Variants in PTPRD observed in about 807,000 individuals in gnomAD.
PTPRD encodes the protein receptor-type tyrosine-protein phosphatase delta.
A neutral mutation model predicts 214.5 loss-of-function variants in PTPRD; 34 were observed. The observed-to-expected ratio is 0.16, with a 90% CI of 0.12 to 0.21. The LOEUF is 0.21. PTPRD is among the 10% of genes least tolerant of loss of function. The pLI, the probability that PTPRD is intolerant of heterozygous loss-of-function variation, is 1.00. For synonymous variants in PTPRD, 1,128 were observed against 845.7 expected, an observed-to-expected ratio of 1.33 and a Z score of -5.79; for missense variants, 2,545 against 2,398.7, an observed-to-expected ratio of 1.06 and a Z score of -1.27.
At chr9:10,083,881 A>G (rs2098283354) in intron 3 of PTPRD, among the ~76,000 whole-genome samples, 1 of 151,902 alleles carries the variant, frequency 6.6e-6, no homozygotes, top group Non-Finnish European at 1.5e-5. Context: ...AATAATGCTC[A>G]CCTCTTGCTA....
At chr9:9,940,649 G>T (rs186624140) in intron 4 of PTPRD, among the ~76,000 whole-genome samples, 2 of 152,270 alleles carry the variant, frequency 1.3e-5, no homozygotes, top group South Asian at 4.1e-4. Flanking sequence ...TAACAAAAGT[G>T]TCAACAGCTC....
chr9:8,631,472 T>C (rs1431626634), intron 14 of PTPRD, among the ~76,000 whole-genome samples: 1 of 151,742 alleles, frequency 6.6e-6, no homozygotes, highest in Admixed American at 6.6e-5. Flanking sequence ...TGAACAACCT[T>C]CTCTAGGGTT....
intron 2 of PTPRD, among the ~76,000 whole-genome samples, chr9:10,360,908 C>A (rs1206842864): frequency 6.6e-6 from 1 of 152,120 alleles, no homozygotes; most frequent in East Asian, 1.9e-4. Context: ...CGAGGCCATC[C>A]TGGCTAACAC....
intron 5 of PTPRD, among the ~76,000 whole-genome samples, chr9:9,773,410 T>C (rs1250981106): frequency 1.3e-5 from 2 of 152,148 alleles, no homozygotes; most frequent in Non-Finnish European, 2.9e-5. Flanking sequence ...CTCCTGCTTC[T>C]CTCTAATATA....
chr9:8,744,540 C>T (rs1254476784), intron 11 of PTPRD, among the ~76,000 whole-genome samples: 1 of 152,184 alleles, frequency 6.6e-6, no homozygotes, highest in Non-Finnish European at 1.5e-5. Flanking sequence ...AGTGAAGTAG[C>T]TCAGGAATGG....
At chr9:8,894,849 C>T (rs2098594789) in intron 11 of PTPRD, among the ~76,000 whole-genome samples, 1 of 151,846 alleles carries the variant, frequency 6.6e-6, no homozygotes, top group African/African-American at 2.4e-5. Context: ...AACACAGGAA[C>T]CAACTTAAAT....
chr9:10,446,799 G>C (rs1246248507), intron 2 of PTPRD, among the ~76,000 whole-genome samples: 4 of 152,064 alleles, frequency 2.6e-5, no homozygotes, highest in African/African-American at 9.7e-5. Context: ...AAGGAAACTG[G>C]ATCCATGAAG....
At chr9:8,521,746 T>G (rs2097895107) in intron 19 of PTPRD, among the ~76,000 whole-genome samples, 200 bp from the exon 20 acceptor site, 1 of 152,148 alleles carries the variant, frequency 6.6e-6, no homozygotes, top group Non-Finnish European at 1.5e-5. Flanking sequence ...TTTATTTAGT[T>G]TAGTCATTGA....
intron 7 of PTPRD, among the ~76,000 whole-genome samples, chr9:9,668,594 T>G (rs1054479070): frequency 1.3e-5 from 2 of 152,230 alleles, no homozygotes; most frequent in South Asian, 4.1e-4. Flanking sequence ...ATAATAGATT[T>G]GTTCATTCAG....
At chr9:8,679,226 C>T (rs1296733098) in intron 12 of PTPRD, among the ~76,000 whole-genome samples, 1 of 152,204 alleles carries the variant, frequency 6.6e-6, no homozygotes, top group Non-Finnish European at 1.5e-5. Context: ...CATCCCACAA[C>T]TTCAAAGCAG....
At chr9:9,800,067 G>T (rs35772667) in intron 5 of PTPRD, among the ~76,000 whole-genome samples, 1 of 152,098 alleles carries the variant, frequency 6.6e-6, no homozygotes, top group African/African-American at 2.4e-5. Flanking sequence ...TTGAATTCCC[G>T]AAGAGATTTC....
chr9:10,529,423 C>T (rs1384186255), intron 2 of PTPRD, among the ~76,000 whole-genome samples: 1 of 152,010 alleles, frequency 6.6e-6, no homozygotes, highest in African/African-American at 2.4e-5. Flanking sequence ...TTTGCAGGGA[C>T]ATGGATAAAG....
At chr9:10,131,900 C>A (rs911750931) in intron 3 of PTPRD, among the ~76,000 whole-genome samples, 16 of 152,068 alleles carry the variant, frequency 1.1e-4, no homozygotes, top group African/African-American at 3.6e-4. Context: ...AACTGAAAAT[C>A]AAAAAATATG....
intron 10 of PTPRD, among the ~76,000 whole-genome samples, chr9:9,080,425 G>A (rs1277041766): frequency 1.3e-5 from 2 of 152,094 alleles, no homozygotes; most frequent in Non-Finnish European, 2.9e-5. Context: ...CTACTACTAT[G>A]TGCCACATAT....
At chr9:8,601,855 T>C (rs991345336) in intron 14 of PTPRD, among the ~76,000 whole-genome samples, 2 of 152,134 alleles carry the variant, frequency 1.3e-5, no homozygotes, top group Non-Finnish European at 2.9e-5. Context: ...AGTTAAGAAA[T>C]ATGTATCAAG....
At chr9:9,053,369 G>C (rs2099690062) in intron 10 of PTPRD, among the ~76,000 whole-genome samples, 1 of 151,296 alleles carries the variant, frequency 6.6e-6, no homozygotes, top group African/African-American at 2.4e-5. Context: ...AAAAATGCTA[G>C]TTGTTATGAT....
chr9:9,572,712 A>G (rs73641319), intron 8 of PTPRD, among the ~76,000 whole-genome samples: 1,545 of 150,810 alleles, frequency 0.01, 23 homozygotes, highest in African/African-American at 0.035. Flanking sequence ...ACCTAATAAT[A>G]AAGGACAAAT....
chr9:9,814,744 T>A (rs1485545370), intron 5 of PTPRD, among the ~76,000 whole-genome samples: 1 of 148,592 alleles, frequency 6.7e-6, no homozygotes, highest in African/African-American at 2.5e-5. Flanking sequence ...AAATAAAAAA[T>A]ACAATTCTAA....
At chr9:9,102,587 A>C (rs765080422) in intron 10 of PTPRD, among the ~76,000 whole-genome samples, 10 of 152,246 alleles carry the variant, frequency 6.6e-5, no homozygotes, top group Non-Finnish European at 1.0e-4. Context: ...ATTGGAGCTG[A>C]AAGATTCGCT....
Sources: gnomAD v4.1 joint callset for allele counts (sites outside exome capture counted in the v4.1 genomes callset) on GRCh38, gnomAD v4.1.1 for gene constraint, MANE v1.5 for transcripts, NCBI Gene and HGNC (gene_info 2026-07-23, HGNC 2026-07-21) for gene names.